Variants in SLC44A5 observed in about 807,000 individuals in gnomAD.
The protein encoded by SLC44A5 is solute carrier family 44 member 5.
In SLC44A5, 57 loss-of-function variants were observed where a neutral mutation model predicts 101.8. The ratio of observed to expected loss-of-function variants is 0.56; its 90% CI spans 0.45 to 0.70. The LOEUF (loss-of-function observed/expected upper bound fraction) is 0.70. Among genes scored for constraint, SLC44A5 ranks in the 30% least tolerant of loss-of-function variants. The pLI is 0.00. For synonymous variants in SLC44A5, 281 were observed against 290.9 expected, an observed-to-expected ratio of 0.97 and a Z score of 0.35; for missense variants, 737 against 853.1, an observed-to-expected ratio of 0.86 and a Z score of 1.70.
At chr1:75,410,521 T>G (rs1663204979) in intron 2 of SLC44A5, among the ~76,000 whole-genome samples, 1 of 152,104 alleles carries the variant, frequency 6.6e-6, no homozygotes, top group African/African-American at 2.4e-5. Flanking sequence ...TTCTAGGAGA[T>G]CATATCTTTT....
chr1:75,269,026 AT>A (rs1249286355), intron 6 of SLC44A5, among the ~76,000 whole-genome samples: 2 of 152,156 alleles, frequency 1.3e-5, no homozygotes, highest in African/African-American at 4.8e-5. Context: ...ATTTTATAAA[AT>A]CTGATAAATA....
chr1:75,520,754 C>A (rs1410384199), intron 2 of SLC44A5, among the ~76,000 whole-genome samples: 1 of 152,164 alleles, frequency 6.6e-6, no homozygotes, highest in Non-Finnish European at 1.5e-5. Flanking sequence ...TAAAGAAAAT[C>A]ATTTCCACCA....
At chr1:75,704,907 A>G in the SLC44A5 span, among the ~76,000 whole-genome samples, 2 of 152,170 alleles carry the variant, frequency 1.3e-5, no homozygotes, top group Non-Finnish European at 2.9e-5. Context: ...ATTGTTTGAT[A>G]GTTACTACAG....
intron 1 of SLC44A5, among the ~76,000 whole-genome samples, chr1:75,551,906 T>G (rs1490406711): frequency 6.6e-6 from 1 of 152,072 alleles, no homozygotes; most frequent in Non-Finnish European, 1.5e-5. Context: ...GTCTGAAAAA[T>G]TTCAGATGAA....
intron 2 of SLC44A5, among the ~76,000 whole-genome samples, chr1:75,459,924 C>T (rs998470987): frequency 6.6e-6 from 1 of 152,050 alleles, no homozygotes; most frequent in Admixed American, 6.5e-5. Flanking sequence ...ACAGGAGGCA[C>T]GTGAATCTTA....
intron 2 of SLC44A5, among the ~76,000 whole-genome samples, chr1:75,484,848 G>C (rs1557836617): frequency 6.6e-6 from 1 of 152,216 alleles, no homozygotes; most frequent in Non-Finnish European, 1.5e-5. Flanking sequence ...GCACAGGTTT[G>C]GGGCTTGCAC....
chr1:75,326,262 CT>C (rs35059170), intron 4 of SLC44A5, among the ~76,000 whole-genome samples: 46,679 of 143,884 alleles, frequency 0.32, 8,600 homozygotes, highest in East Asian at 0.82. Flanking sequence ...ATTCTTACTG[CT>C]TTTTTTTTTT....
intron 4 of SLC44A5, among the ~76,000 whole-genome samples, chr1:75,306,795 A>C (rs1172742780): frequency 5.6e-5 from 7 of 124,112 alleles, no homozygotes; most frequent in East Asian, 2.7e-4. Flanking sequence ...AGTGCAGTGG[A>C]GCAATCTCGG....
the SLC44A5 span, among the ~76,000 whole-genome samples, chr1:75,618,050 C>T: frequency 1.3e-5 from 2 of 152,110 alleles, no homozygotes; most frequent in South Asian, 4.2e-4. Flanking sequence ...CGGTGTAACT[C>T]TTTTAACTCA....
chr1:75,417,982 T>C (rs377168508), intron 2 of SLC44A5, among the ~76,000 whole-genome samples: 16 of 152,236 alleles, frequency 1.1e-4, no homozygotes, highest in African/African-American at 3.9e-4. Flanking sequence ...TTGTAGCAAC[T>C]AATAGTCACA....
chr1:75,455,620 AACAAAATTCTAAT>A (rs1321979198), intron 2 of SLC44A5, among the ~76,000 whole-genome samples: 5 of 152,080 alleles, frequency 3.3e-5, no homozygotes, highest in African/African-American at 1.2e-4. Context: ...CTACACATCC[AACAAAATTCTAAT>A]ATTCAGAATC....
intron 4 of SLC44A5, among the ~76,000 whole-genome samples, chr1:75,319,158 T>C (rs1655946884): frequency 6.6e-6 from 1 of 152,186 alleles, no homozygotes; most frequent in Non-Finnish European, 1.5e-5. Context: ...TATGATTCTG[T>C]AAAGACTTTT....
At chr1:75,316,987 CA>C (rs1655740906) in intron 4 of SLC44A5, among the ~76,000 whole-genome samples, 1 of 152,214 alleles carries the variant, frequency 6.6e-6, no homozygotes, top group Admixed American at 6.5e-5. Context: ...TAGGCAATAT[CA>C]GATTGTTTTT....
intron 3 of SLC44A5, among the ~76,000 whole-genome samples, chr1:75,356,563 A>G (rs762529454): frequency 7.2e-5 from 11 of 152,110 alleles, no homozygotes; most frequent in Non-Finnish European, 1.3e-4. Context: ...AAAAAGTTAC[A>G]GAAAGTTAAG....
Position 75,203,630 on chromosome 1 carries a change from T to G in SLC44A5, c.*97A>C. On this transcript the variant is annotated 3_prime_UTR_variant, in exon 24 of 24. Transcript: ENST00000370859. ...CAAGCCAACAAGGTCGTGAATACAG[T>G]GTTGCTAAACACAAAGCACTTATGA... 7.2e-7 allele frequency: 1 copy of G among 1,396,596 alleles called. No homozygotes were observed. Among genetic ancestry groups the G allele is most frequent in the East Asian group, 2.6e-5 (1 of 38,386 alleles). 86.5% of individuals were successfully genotyped at this position (1,396,596 alleles called of 1,614,324 possible). A position where few individuals can be genotyped will look rare whatever the true frequency, so the allele number is the denominator to read the frequency against.
intron 13 of SLC44A5, among the ~76,000 whole-genome samples, chr1:75,225,424 C>A (rs1286456287): frequency 6.6e-6 from 1 of 152,096 alleles, no homozygotes. Context: ...CATGACTATC[C>A]TATATCCCCT....
the SLC44A5 span, among the ~76,000 whole-genome samples, chr1:75,682,651 C>A: frequency 2.0e-5 from 3 of 151,666 alleles, no homozygotes; most frequent in Non-Finnish European, 4.4e-5. Flanking sequence ...CCATAAAAAC[C>A]CTAGAAGAAA....
intron 1 of SLC44A5, among the ~76,000 whole-genome samples, chr1:75,589,761 A>C (rs1357724649): frequency 1.3e-5 from 2 of 152,098 alleles, no homozygotes; most frequent in Non-Finnish European, 2.9e-5. Flanking sequence ...TCGGGGAGAG[A>C]GAACACAGCA....
the SLC44A5 span, among the ~76,000 whole-genome samples, chr1:75,717,698 C>G: frequency 6.6e-6 from 1 of 152,014 alleles, no homozygotes; most frequent in Non-Finnish European, 1.5e-5. Context: ...GGGACTCATC[C>G]CAGCAAGGTG....
Sources: allele counts gnomAD v4.1 joint callset (sites outside exome capture counted in the v4.1 genomes callset), GRCh38; gene constraint gnomAD v4.1.1; transcripts MANE v1.5; gene names NCBI Gene and HGNC (gene_info 2026-07-23, HGNC 2026-07-21).